The following EBPL variants were observed in gnomAD, a reference collection of about 807,000 sequenced individuals.
The protein encoded by EBPL is EBP like.
EBPL carries 20 observed loss-of-function variants against 19.0 expected under a neutral mutation model. That is an observed-to-expected ratio of 1.05 (90% CI 0.74 to 1.53). EBPL has a LOEUF of 1.53. Among genes scored for constraint, EBPL ranks in the 40% most tolerant of loss-of-function variants. The probability of loss-of-function intolerance (pLI) is 0.00; values close to 1 mark genes in which losing one functional copy is unlikely to be tolerated. For synonymous variants in EBPL, 107 were observed against 117.0 expected, an observed-to-expected ratio of 0.91 and a Z score of 0.55; for missense variants, 219 against 261.1, an observed-to-expected ratio of 0.84 and a Z score of 1.11.
intron 2 of EBPL, chr13:49,668,518 G>A (rs1050077343): frequency 6.4e-6 from 2 of 310,992 alleles, no homozygotes; most frequent in Non-Finnish European, 1.3e-5. Flanking sequence ...AGCTTGCAGT[G>A]AGCCGAGATG....
chr13:49,676,630 A>C (rs1316904293), intron 1 of EBPL, among the ~76,000 whole-genome samples: 2 of 151,778 alleles, frequency 1.3e-5, no homozygotes, highest in Non-Finnish European at 2.9e-5. Context: ...ATAAATAAAT[A>C]AGAAAGAAAC....
intron 2 of EBPL, 76 bp from the exon 3 acceptor site, chr13:49,663,271 T>C (rs1240510402): frequency 1.3e-6 from 2 of 1,560,358 alleles, no homozygotes; most frequent in Non-Finnish European, 1.8e-6. Flanking sequence ...CTTTCTTTCC[T>C]TTAAGGTGGA....
chr13:49,673,259 G>C (rs752242922), intron 1 of EBPL, among the ~76,000 whole-genome samples: 2 of 152,094 alleles, frequency 1.3e-5, no homozygotes, highest in Non-Finnish European at 2.9e-5. Context: ...AATATGCAAT[G>C]ACCATACGAC....
intron 2 of EBPL, among the ~76,000 whole-genome samples, chr13:49,663,930 A>AC (rs1236743943): frequency 1.4e-5 from 2 of 145,576 alleles, no homozygotes; most frequent in African/African-American, 5.1e-5. Context: ...GTCTCAAAAA[A>AC]AAAAAAACAA....
chr13:49,683,217 C>T (rs551998487), intron 1 of EBPL, among the ~76,000 whole-genome samples: 2 of 151,906 alleles, frequency 1.3e-5, no homozygotes, highest in African/African-American at 2.4e-5. Flanking sequence ...TCAGGTGATC[C>T]GCCCGCCTCA....
chr13:49,669,495 A>T (rs1953786993), intron 2 of EBPL, among the ~76,000 whole-genome samples: 1 of 152,202 alleles, frequency 6.6e-6, no homozygotes. Flanking sequence ...AATTGGTTTT[A>T]GTAGAATCAC....
At position 49,678,839 on chromosome 13, in the gene EBPL, T is replaced by A. The variant is rs551200639; in HGVS notation, c.172-8993A>T. Among the ~76,000 whole-genome samples, 109 of 150,846 alleles carry A rather than the reference T, an allele frequency of 7.2e-4. 1 individual carries two copies. Among genetic ancestry groups the A allele is most frequent in the African/African-American group, 2.6e-3 (107 of 41,020 alleles). ...TTAGCACGTTGTCACCTCTCAATAT[T>A]AAAAAATACAAAAAAATAAAAATTA... On this transcript the variant is annotated intron_variant, in intron 1 of 3. Transcript: ENST00000242827.
intron 1 of EBPL, among the ~76,000 whole-genome samples, chr13:49,688,194 T>C (rs1461292503): frequency 6.6e-6 from 1 of 152,132 alleles, no homozygotes; most frequent in African/African-American, 2.4e-5. Flanking sequence ...TTCCTTCTTC[T>C]AGTATGTTGC....
At chr13:49,674,425 C>T (rs57324886) in intron 1 of EBPL, among the ~76,000 whole-genome samples, 3,810 of 152,154 alleles carry the variant, frequency 0.025, 66 homozygotes, top group African/African-American at 0.039. Flanking sequence ...TTTAAAAACC[C>T]ACCAAAATGT....
intron 2 of EBPL, among the ~76,000 whole-genome samples, chr13:49,666,072 T>G (rs539216540): frequency 2.6e-5 from 4 of 152,092 alleles, no homozygotes; most frequent in African/African-American, 9.7e-5. Flanking sequence ...AAGGAGGACA[T>G]CTCGCCATGC....
At chr13:49,670,136 A>C (rs1025324182) in intron 1 of EBPL, among the ~76,000 whole-genome samples, 44 of 152,216 alleles carry the variant, frequency 2.9e-4, no homozygotes, top group Admixed American at 1.4e-3. Flanking sequence ...AAATTTTTGC[A>C]TAAGAGTTTA....
chr13:49,670,745 T>C (rs1277282932), intron 1 of EBPL, among the ~76,000 whole-genome samples: 2 of 152,222 alleles, frequency 1.3e-5, no homozygotes, highest in Admixed American at 1.3e-4. Flanking sequence ...ATTATTCTAT[T>C]ACTTACACAA....
chr13:49,685,522 C>T (rs1487654952), intron 1 of EBPL, among the ~76,000 whole-genome samples: 2 of 152,192 alleles, frequency 1.3e-5, no homozygotes, highest in African/African-American at 2.4e-5. Flanking sequence ...CCAAGATCTA[C>T]GCCCCAGAAT....
chr13:49,669,599 A>C (rs562498294), intron 2 of EBPL, among the ~76,000 whole-genome samples, 178 bp downstream of exon 2: 1 of 150,112 alleles, frequency 6.7e-6, no homozygotes, highest in African/African-American at 2.5e-5. Context: ...TCCCCCCAAC[A>C]CCCCCACCCC....
At chr13:49,663,497 G>T (rs1965179167) in intron 2 of EBPL, among the ~76,000 whole-genome samples, 1 of 152,098 alleles carries the variant, frequency 6.6e-6, no homozygotes, top group Non-Finnish European at 1.5e-5. Context: ...AATTTTAAAA[G>T]AATTCAACAT....
intron 3 of EBPL, 133 bp from the exon 4 acceptor site, chr13:49,661,341 G>T: frequency 1.4e-6 from 1 of 714,524 alleles, no homozygotes; most frequent in Non-Finnish European, 2.4e-6. Context: ...GGCCTCAGAT[G>T]TTGGGTGGTG....
chr13:49,676,601 AAAAT>A (rs3990329), intron 1 of EBPL, among the ~76,000 whole-genome samples: 91,325 of 148,782 alleles, frequency 0.61, 29,607 homozygotes, highest in East Asian at 0.76. Context: ...CAAAAAAAAT[AAAAT>A]AAATAAATAA....
Position 49,670,838 on chromosome 13 carries a change from A to G in EBPL, c.172-992T>C, listed in dbSNP as rs1204494368. Reference sequence around the variant, plus strand: ...GCAGTCTCTGGGCTTCTAAACCACGAAAGAGTATGACAGCCTCTACCAGGC... The same window carrying G: ...GCAGTCTCTGGGCTTCTAAACCACGGAAGAGTATGACAGCCTCTACCAGGC... On this transcript the variant is annotated intron_variant, in intron 1 of 3. Transcript: ENST00000242827. Among the ~76,000 whole-genome samples, 4 of 152,164 alleles carry G rather than the reference A, an allele frequency of 2.6e-5. No individual in the cohort carries two copies. The East Asian group carries it at 7.7e-4, about 29-fold the overall frequency.
At chr13:49,676,653 T>C (rs1020720803) in intron 1 of EBPL, among the ~76,000 whole-genome samples, 11 of 152,032 alleles carry the variant, frequency 7.2e-5, no homozygotes, top group Admixed American at 4.6e-4. Flanking sequence ...CGGTGAATCC[T>C]TCCTTCCTCG....
Sources: allele counts gnomAD v4.1 joint callset (sites outside exome capture counted in the v4.1 genomes callset), GRCh38; gene constraint gnomAD v4.1.1; transcripts MANE v1.5; gene names NCBI Gene and HGNC (gene_info 2026-07-23, HGNC 2026-07-21).